ARFGEF3: variants seen among roughly 807,000 people sequenced by gnomAD.
ARFGEF3 encodes the protein brefeldin A-inhibited guanine nucleotide-exchange protein 3.
Under a neutral mutation model 221.7 loss-of-function variants are expected in ARFGEF3, and 96 were observed. The ratio of observed to expected loss-of-function variants is 0.43; its 90% CI spans 0.37 to 0.51. The LOEUF (loss-of-function observed/expected upper bound fraction) is 0.51. ARFGEF3 is among the 20% of genes least tolerant of loss of function. ARFGEF3 has a pLI of 0.00. For missense variants in ARFGEF3, 2,410 were observed against 2,789.9 expected, an observed-to-expected ratio of 0.86 and a Z score of 3.07; for synonymous variants, 1,145 against 1,126.8, an observed-to-expected ratio of 1.02 and a Z score of -0.32.
At chr6:138,248,826 A>C (rs1455310092) in intron 8 of ARFGEF3, among the ~76,000 whole-genome samples, 1 of 152,308 alleles carries the variant, frequency 6.6e-6, no homozygotes. Flanking sequence ...ACTCCGAAAT[A>C]AATAAATAAA....
intron 12 of ARFGEF3, among the ~76,000 whole-genome samples, chr6:138,269,146 G>A (rs1010650502): frequency 2.8e-4 from 42 of 152,212 alleles, no homozygotes; most frequent in South Asian, 2.1e-4. Flanking sequence ...CTCCTCGGGT[G>A]TCCCGCCAAC....
At chr6:138,211,075 T>C (rs956696540) in intron 4 of ARFGEF3, among the ~76,000 whole-genome samples, 3 of 152,222 alleles carry the variant, frequency 2.0e-5, no homozygotes, top group African/African-American at 7.2e-5. Context: ...TCAGTCACTC[T>C]ACCTTGATTT....
At chr6:138,188,274 G>A (rs1583001371) in intron 2 of ARFGEF3, among the ~76,000 whole-genome samples, 1 of 152,134 alleles carries the variant, frequency 6.6e-6, no homozygotes, top group Non-Finnish European at 1.5e-5. Flanking sequence ...AGATATGAAT[G>A]GCGAGAATAA....
At chr6:138,238,397 GCTGA>G (rs573533834) in intron 5 of ARFGEF3, 108 bp from the exon 6 acceptor site, 162 of 1,121,984 alleles carry the variant, frequency 1.4e-4, no homozygotes, top group African/African-American at 1.4e-3. Context: ...CCTAAATCAG[GCTGA>G]CTTTCTGTTT....
At chr6:138,306,454 CA>C (rs1779724962) in intron 22 of ARFGEF3, among the ~76,000 whole-genome samples, 1 of 152,094 alleles carries the variant, frequency 6.6e-6, no homozygotes, top group Non-Finnish European at 1.5e-5. Flanking sequence ...AAGAGATCAT[CA>C]AAGTGATTCT....
At position 138,162,104 on chromosome 6, in the gene ARFGEF3, G is replaced by GT; in HGVS notation, c.18_19insT (p.Lys7Ter). The GT allele has an allele frequency of 6.2e-7, 1 of 1,602,176 alleles. No individual in the cohort carries two copies. The highest frequency in any genetic ancestry group is 8.5e-7 in the Non-Finnish European group (1 of 1,174,096). On this transcript the variant is annotated frameshift_variant, in exon 1 of 34. Transcript: ENST00000251691. LOFTEE classifies it high-confidence loss of function. The surrounding 1 kb of genome is among the most constrained non-coding windows in gnomAD (Gnocchi z 4.7). The stretch of plus-strand genomic sequence containing the variant: ...AGGTCAAGATGGAAGAAATCCTGAG[G>GT]AAGCTGCAGAAGGAGGCGTCCGGGA...
intron 2 of ARFGEF3, among the ~76,000 whole-genome samples, chr6:138,171,927 G>C (rs2114431425): frequency 6.6e-6 from 1 of 152,164 alleles, no homozygotes; most frequent in East Asian, 1.9e-4. Flanking sequence ...GGTTTTCTTT[G>C]AGATTATAAA....
intron 31 of ARFGEF3, 107 bp downstream of exon 31, chr6:138,324,261 G>A: frequency 7.5e-7 from 1 of 1,338,576 alleles, no homozygotes; most frequent in Non-Finnish European, 1.0e-6. Context: ...ATTCCCTGAG[G>A]GACATACACC....
At chr6:138,169,714 A>G (rs114198493) in intron 1 of ARFGEF3, among the ~76,000 whole-genome samples, 27 of 152,182 alleles carry the variant, frequency 1.8e-4, no homozygotes, top group African/African-American at 6.3e-4. Context: ...AGAACCAAGA[A>G]CCCTGCTGAA....
intron 22 of ARFGEF3, among the ~76,000 whole-genome samples, chr6:138,304,247 G>A (rs1215859672): frequency 6.6e-6 from 1 of 152,070 alleles, no homozygotes; most frequent in Non-Finnish European, 1.5e-5. Context: ...AGTCACCAAA[G>A]ACCATATGTT....
chr6:138,221,770 A>G (rs984425562), intron 4 of ARFGEF3, among the ~76,000 whole-genome samples: 143 of 152,312 alleles, frequency 9.4e-4, no homozygotes, highest in African/African-American at 3.3e-3. Context: ...GTGGCAATCA[A>G]TAAAGGCCAG....
intron 31 of ARFGEF3, 32 bp from the exon 32 acceptor site, chr6:138,327,989 G>A (rs766999598): frequency 1.2e-4 from 182 of 1,545,030 alleles, no homozygotes; most frequent in Non-Finnish European, 1.5e-4. Flanking sequence ...GGACACTGGA[G>A]TTCTGAAATG....
At chr6:138,227,960 C>T (rs980358042) in intron 4 of ARFGEF3, among the ~76,000 whole-genome samples, 1 of 152,132 alleles carries the variant, frequency 6.6e-6, no homozygotes, top group African/African-American at 2.4e-5. Context: ...ATGGGACCAC[C>T]ACTGTGTACT....
At chr6:138,299,337 C>T (rs1335922789) in intron 22 of ARFGEF3, among the ~76,000 whole-genome samples, 1 of 149,030 alleles carries the variant, frequency 6.7e-6, no homozygotes, top group Non-Finnish European at 1.5e-5. Flanking sequence ...ACTAAGGATA[C>T]ATAATCAGTG....
At chr6:138,279,909 T>G in intron 13 of ARFGEF3, 90 bp from the exon 14 acceptor site, 1 of 1,307,530 alleles carries the variant, frequency 7.6e-7, no homozygotes, top group Non-Finnish European at 1.1e-6. Context: ...AGTTCAGGGC[T>G]CTGTGACGTG....
At chr6:138,293,959 T>C in intron 19 of ARFGEF3, 34 bp from the exon 20 acceptor site, 1 of 1,601,148 alleles carries the variant, frequency 6.2e-7, no homozygotes, top group Non-Finnish European at 8.5e-7. Context: ...CTGAATTGTT[T>C]CCAAAGAACA....
At chr6:138,191,208 T>C (rs572986621) in intron 2 of ARFGEF3, among the ~76,000 whole-genome samples, 1 of 152,132 alleles carries the variant, frequency 6.6e-6, no homozygotes, top group Non-Finnish European at 1.5e-5. Context: ...AGGTTTCTAG[T>C]GGGAACTGAT....
rs575503517 is a variant in ARFGEF3, at chr6:138,192,805, C to G, written c.138-14237C>G. Reference sequence around the variant, plus strand: ...CTGCTTGAGATAGGTAATATTAGTTCCATATTTTTAGATGAAGAAAGTAAG... The same window carrying G: ...CTGCTTGAGATAGGTAATATTAGTTGCATATTTTTAGATGAAGAAAGTAAG... On this transcript the variant is annotated intron_variant, in intron 2 of 33. Transcript: ENST00000251691. 8.5e-5 allele frequency among the ~76,000 whole-genome samples: 13 copies of G among 152,208 alleles called. No individual in the cohort carries two copies. In the East Asian group the frequency reaches 2.1e-3, roughly 25 times the overall value.
chr6:138,220,035 C>T (rs1315049688), intron 4 of ARFGEF3, among the ~76,000 whole-genome samples: 2 of 151,328 alleles, frequency 1.3e-5, no homozygotes, highest in Admixed American at 1.3e-4. Flanking sequence ...TTTTTTTCTG[C>T]AGGGTTTCAC....
Sources: allele counts gnomAD v4.1 joint callset (sites outside exome capture counted in the v4.1 genomes callset), GRCh38; gene constraint gnomAD v4.1.1; non-coding constraint Gnocchi (gnomAD v3.1); transcripts MANE v1.5; gene names NCBI Gene and HGNC (gene_info 2026-07-23, HGNC 2026-07-21).